Variants in MMS22L observed in about 807,000 individuals in gnomAD.
MMS22L encodes MMS22 like, DNA repair protein, also known as protein MMS22-like.
MMS22L carries 74 observed loss-of-function variants against 159.1 expected under a neutral mutation model. The observed-to-expected ratio is 0.47, with a 90% CI of 0.39 to 0.56. The LOEUF is 0.56. Ranked by LOEUF, MMS22L falls within the 20% of genes least tolerant of loss-of-function variation. The pLI, the probability that MMS22L is intolerant of heterozygous loss-of-function variation, is 0.00. For missense variants in MMS22L, 1,351 were observed against 1,422.1 expected (o/e 0.95, Z 0.80); for synonymous variants, 517 against 506.9 (o/e 1.02, Z -0.27).
chr6:97,242,902 G>A (rs977520778), intron 11 of MMS22L, among the ~76,000 whole-genome samples: 1 of 152,104 alleles, frequency 6.6e-6, no homozygotes, highest in African/African-American at 2.4e-5. Flanking sequence ...CCAAAGATAG[G>A]ACCCAAATCC....
chr6:97,211,310 A>C (rs1050128633), intron 14 of MMS22L, among the ~76,000 whole-genome samples: 3 of 152,108 alleles, frequency 2.0e-5, no homozygotes, highest in African/African-American at 7.2e-5. Flanking sequence ...CAACATACGT[A>C]ATGTATAGAA....
At chr6:97,161,232 C>G (rs1802400202) in intron 22 of MMS22L, among the ~76,000 whole-genome samples, 1 of 152,000 alleles carries the variant, frequency 6.6e-6, no homozygotes, top group Admixed American at 6.6e-5. Context: ...GATGTAACCT[C>G]AGGTACGCCC....
chr6:97,168,715 A>C (rs1414166276), intron 19 of MMS22L, among the ~76,000 whole-genome samples: 1 of 152,130 alleles, frequency 6.6e-6, no homozygotes. Context: ...GACAAGGGCT[A>C]GTCAACCTGT....
At chr6:97,247,829 G>A (rs944783752) in intron 10 of MMS22L, among the ~76,000 whole-genome samples, 1 of 152,170 alleles carries the variant, frequency 6.6e-6, no homozygotes, top group Non-Finnish European at 1.5e-5. Flanking sequence ...TAAAGAATAT[G>A]CTGTTCAGAG....
At chr6:97,230,608 C>T (rs985448602) in intron 13 of MMS22L, 1 of 152,008 alleles carries the variant, frequency 6.6e-6, no homozygotes, top group Non-Finnish European at 1.5e-5. Flanking sequence ...TGAATAAACT[C>T]CAATGACTTC....
Position 97,180,895 on chromosome 6 carries a change from C to T in MMS22L, c.2384+1009G>A, listed in dbSNP as rs1346463309. Among the ~76,000 whole-genome samples, 3 of 152,126 alleles carry T rather than the reference C, an allele frequency of 2.0e-5. No homozygotes were observed. In the East Asian group the frequency reaches 5.8e-4, roughly 29 times the overall value. On this transcript the variant is annotated intron_variant, in intron 16 of 24. Transcript: ENST00000683635. ...AGCTTCCTTAGGAAAAGACTTAGCT[C>T]ACCAACTACATCTCTCTTCATTTCC... is the stretch of plus-strand genomic sequence containing the variant.
intron 20 of MMS22L, among the ~76,000 whole-genome samples, chr6:97,167,777 A>G (rs570579495): frequency 3.3e-5 from 5 of 151,904 alleles, no homozygotes; most frequent in Non-Finnish European, 5.9e-5. Flanking sequence ...GTATTCTCTT[A>G]TATCTCCTCA....
intron 9 of MMS22L, among the ~76,000 whole-genome samples, chr6:97,255,581 A>G (rs967597489): frequency 4.0e-5 from 6 of 151,884 alleles, no homozygotes; most frequent in Admixed American, 2.0e-4. Flanking sequence ...TTCATTTGCA[A>G]TCTTTCTTTT....
chr6:97,187,762 AGCATGT>A lies in MMS22L; in HGVS notation c.2040-1078_2040-1073del, dbSNP rs553195512. On this transcript the variant is annotated intron_variant, in intron 14 of 24. Coordinates refer to ENST00000683635, the MANE Select transcript of MMS22L (RefSeq NM_001350599.2). ...AAAGAACTATACAAAACACAGAACT[AGCATGT>A]GTATCTAAAGCAATCCCACAAAAAG... is the stretch of plus-strand genomic sequence containing the variant. Among the ~76,000 whole-genome samples the A allele has an allele frequency of 4.7e-4, 72 of 152,312 alleles. 1 individual carries two copies. The highest frequency in any genetic ancestry group is 1.7e-3 in the African/African-American group (70 of 41,582).
intron 16 of MMS22L, 101 bp from the exon 17 acceptor site, chr6:97,179,660 G>T: frequency 9.9e-7 from 1 of 1,013,484 alleles, no homozygotes; most frequent in South Asian, 2.6e-5. Context: ...GCAACTCCTT[G>T]GCCTCATTGA....
chr6:97,255,670 G>C (rs565318963), intron 9 of MMS22L, among the ~76,000 whole-genome samples: 3 of 152,026 alleles, frequency 2.0e-5, no homozygotes, highest in South Asian at 4.2e-4. Flanking sequence ...TTAGTTTACA[G>C]AATGTTATTT....
chr6:97,263,470 TGTTA>T, intron 8 of MMS22L, 22 bp from the exon 9 acceptor site: 1 of 1,306,458 alleles, frequency 7.7e-7, no homozygotes, highest in East Asian at 2.6e-5. Flanking sequence ...AACCAAAATG[TGTTA>T]TTTATAAGAC....
At chr6:97,159,945 TC>T (rs1253029962) in intron 22 of MMS22L, among the ~76,000 whole-genome samples, 1 of 118,606 alleles carries the variant, frequency 8.4e-6, no homozygotes, top group African/African-American at 3.3e-5. Context: ...ATTTATCATT[TC>T]TGTTTTTTTT....
intron 2 of MMS22L, among the ~76,000 whole-genome samples, chr6:97,281,949 T>C (rs1816790058): frequency 1.3e-5 from 2 of 152,234 alleles, no homozygotes; most frequent in Admixed American, 6.5e-5. Context: ...TAAAAAATGT[T>C]TGTCTCTCTT....
Position 97,233,886 on chromosome 6 carries a change from A to G in MMS22L, c.1277T>C (p.Leu426Ser), listed in dbSNP as rs1811123895. Reference protein sequence around the residue: ...WEPNIAIVTILWEYYSKNLNS... With the variant: ...WEPNIAIVTISWEYYSKNLNS... ...CAGGTTCTTACTATAATATTCCCATAAAATGGTAACAATTGCAATGTTTGG... is the reference window on the plus strand; with the variant it reads ...CAGGTTCTTACTATAATATTCCCATGAAATGGTAACAATTGCAATGTTTGG... Residue 426 changes from leucine (L) to serine (S), a missense_variant, in exon 12 of 25, where the codon TTA becomes TCA. By Grantham distance (145) the Leu-to-Ser change is moderately radical. Coordinates refer to ENST00000683635, the MANE Select transcript of MMS22L (RefSeq NM_001350599.2). 2 of 1,609,010 alleles carry G rather than the reference A, an allele frequency of 1.2e-6. No homozygotes were observed. The highest frequency in any genetic ancestry group is 3.4e-5 in the Admixed American group (2 of 59,146).
chr6:97,178,663 T>C (rs1804370439), intron 17 of MMS22L, 78 bp from the exon 18 acceptor site: 7 of 663,690 alleles, frequency 1.1e-5, no homozygotes, highest in Non-Finnish European at 1.7e-5. Flanking sequence ...AACATATATA[T>C]AATGTATATA....
rs140185542 is a variant in MMS22L, at chr6:97,150,232, C to T, written c.3483-212G>A. Among the ~76,000 whole-genome samples, 80 of 152,062 alleles carry T rather than the reference C, an allele frequency of 5.3e-4. No homozygotes were observed. In the East Asian group the frequency reaches 0.015, roughly 29 times the overall value. Reference sequence around the variant, plus strand: ...AGTTGAGCCATGACCAGAGTGAAAGCACTGTGGGGAGGAGCAGGGAAGGGA... The same window carrying T: ...AGTTGAGCCATGACCAGAGTGAAAGTACTGTGGGGAGGAGCAGGGAAGGGA... On this transcript the variant is annotated intron_variant, in intron 23 of 24. Coordinates refer to ENST00000683635, the MANE Select transcript of MMS22L (RefSeq NM_001350599.2).
rs1800826623 is a variant in MMS22L, at chr6:97,144,832, T to C, written c.*1974A>G. The C allele has an allele frequency of 6.6e-6, 1 of 152,040 alleles. No homozygotes were observed. The highest frequency in any genetic ancestry group is 2.1e-4 in the South Asian group (1 of 4,818). The allele number at this position is 152,040 out of a possible 1,614,324, so 9.4% of individuals were successfully genotyped here. A position where few individuals can be genotyped will look rare whatever the true frequency, so the allele number is the denominator to read the frequency against. On this transcript the variant is annotated 3_prime_UTR_variant, in exon 25 of 25. Transcript: ENST00000683635. Reference sequence around the variant, plus strand: ...TTATACATAAATACAAAACATATAATACACACACATATTGTTACACACTTT... The same window carrying C: ...TTATACATAAATACAAAACATATAACACACACACATATTGTTACACACTTT...
chr6:97,235,326 G>T (rs1179629146), intron 11 of MMS22L, among the ~76,000 whole-genome samples: 1 of 152,158 alleles, frequency 6.6e-6, no homozygotes, highest in African/African-American at 2.4e-5. Flanking sequence ...CTTATGAGGT[G>T]AGTGTCCAGG....
Sources: allele counts gnomAD v4.1 joint callset (sites outside exome capture counted in the v4.1 genomes callset), GRCh38; gene constraint gnomAD v4.1.1; transcripts MANE v1.5; gene names NCBI Gene and HGNC (gene_info 2026-07-23, HGNC 2026-07-21).